STPG1: variants seen among roughly 807,000 people sequenced by gnomAD.
The protein encoded by STPG1 is sperm tail PG-rich repeat containing 1.
In STPG1, 33 loss-of-function variants were observed where a neutral mutation model predicts 40.1. That is an observed-to-expected ratio of 0.82 (90% confidence interval 0.62 to 1.10). The LOEUF is 1.10. Among genes scored for constraint, STPG1 ranks in the 50% least tolerant of loss-of-function variants. The probability of loss-of-function intolerance (pLI) is 0.00; values close to 1 mark genes in which losing one functional copy is unlikely to be tolerated. For synonymous variants in STPG1, 150 were observed against 155.0 expected (o/e 0.97, Z 0.24); for missense variants, 396 against 415.1 (o/e 0.95, Z 0.40).
intron 2 of STPG1, among the ~76,000 whole-genome samples, chr1:24,394,619 G>C (rs1416198959): frequency 6.6e-6 from 1 of 152,136 alleles, no homozygotes; most frequent in Admixed American, 6.5e-5. Context: ...AACATATTAA[G>C]TAGATATGGA....
At position 24,357,215 on chromosome 1, in the gene STPG1, C is replaced by T. The variant is rs973938100; in HGVS notation, c.*1328G>A. ...GTTGCTCTGCCCAGGCGAGGCCTCACTGTGGCTGTGACGCACCCTTGATGT... is the reference window on the plus strand; with the variant it reads ...GTTGCTCTGCCCAGGCGAGGCCTCATTGTGGCTGTGACGCACCCTTGATGT... On this transcript the variant is annotated 3_prime_UTR_variant, in exon 9 of 9. Transcript: ENST00000337248. The T allele has an allele frequency of 6.6e-6, 1 of 152,258 alleles. No individual in the cohort carries two copies. The highest frequency in any genetic ancestry group is 2.4e-5 in the African/African-American group (1 of 41,466). 9.4% of individuals were successfully genotyped at this position (152,258 alleles called of 1,614,324 possible).
intron 7 of STPG1, among the ~76,000 whole-genome samples, chr1:24,367,420 G>T (rs1381935841): frequency 4.6e-5 from 7 of 152,136 alleles, no homozygotes; most frequent in Non-Finnish European, 1.0e-4. Flanking sequence ...TTGGGCTGGG[G>T]GCTTGAGCTG....
intron 1 of STPG1, among the ~76,000 whole-genome samples, chr1:24,411,149 T>C (rs1643609284): frequency 6.6e-6 from 1 of 152,192 alleles, no homozygotes; most frequent in African/African-American, 2.4e-5. Context: ...ATAGCTATCA[T>C]TTATTGAGCC....
intron 5 of STPG1, among the ~76,000 whole-genome samples, chr1:24,374,257 G>GTTTTTTTTTTTTTTTT (rs1553122570): frequency 1.6e-5 from 1 of 62,122 alleles, no homozygotes; most frequent in Non-Finnish European, 2.8e-5. Context: ...TTTTTTTTTT[G>GTTTTTTTTTTTTTTTT]TTTTTTTTTT....
At chr1:24,393,355 C>T (rs1642860254) in intron 2 of STPG1, among the ~76,000 whole-genome samples, 1 of 152,186 alleles carries the variant, frequency 6.6e-6, no homozygotes, top group African/African-American at 2.4e-5. Flanking sequence ...CTCCCCTCCC[C>T]ATTTAAGTAG....
In STPG1 at chr1:24,379,782, C is replaced by T. The variant is rs138910562; in HGVS notation, c.333G>A (p.Ala111=). 7.4e-6 allele frequency: 12 copies of T among 1,614,036 alleles called. No homozygotes were observed. Among genetic ancestry groups the T allele is most frequent in the African/African-American group, 5.3e-5 (4 of 75,004 alleles). The part of the protein sequence containing the change: ...LDTIISKYPA[A]NAYTIPSDFI... Reference sequence around the variant, plus strand: ...AATCCGATGGGATAGTGTATGCATTCGCTGCAGGGTATTTAGAAATGATGG... The same window carrying T: ...AATCCGATGGGATAGTGTATGCATTTGCTGCAGGGTATTTAGAAATGATGG... The change falls in exon 5 of 9, where the codon GCG becomes GCA. Residue 111 remains alanine, a synonymous_variant. Coordinates refer to ENST00000337248, the MANE Select transcript of STPG1 (RefSeq NM_001199013.2).
At position 24,401,479 on chromosome 1, in the gene STPG1, T is replaced by C. The variant is rs375162676; in HGVS notation, c.-68-23A>G. 4.0e-5 allele frequency: 42 copies of C among 1,041,970 alleles called. No individual in the cohort carries two copies. The African/African-American group carries it at 5.2e-4, about 13-fold the overall frequency. The allele number at this position is 1,041,970 out of a possible 1,614,324, so 64.5% of individuals were successfully genotyped here. A position where few individuals can be genotyped will look rare whatever the true frequency, so the allele number is the denominator to read the frequency against. On this transcript the variant is annotated intron_variant, in intron 1 of 8. Transcript: ENST00000337248. ...CACCTGAAACAGCAAAACACAGCAT[T>C]TGTAGAGATCATTTCACATTGGTTA...
At chr1:24,364,243 T>A (rs1410325513) in intron 7 of STPG1, 3 of 1,548,148 alleles carry the variant, frequency 1.9e-6, no homozygotes, top group South Asian at 2.4e-5. Flanking sequence ...CTGTCTTGAA[T>A]GTTCCCATCC....
intron 1 of STPG1, 33 bp from the exon 2 acceptor site, chr1:24,401,489 C>CATTT: frequency 1.1e-6 from 1 of 948,014 alleles, no homozygotes; most frequent in East Asian, 2.6e-5. Flanking sequence ...TTGTAGAGAT[C>CATTT]ATTTCACATT....
At chr1:24,391,036 C>A (rs1642750089) in intron 3 of STPG1, among the ~76,000 whole-genome samples, 1 of 151,934 alleles carries the variant, frequency 6.6e-6, no homozygotes, top group Non-Finnish European at 1.5e-5. Flanking sequence ...CTGGGCTGAT[C>A]TGAAACTCCT....
rs764819682 is a variant in STPG1, at chr1:24,373,777, CGTT to C, written c.493_495del (p.Asn165del). ...GACATAAACCCGGCTCGAGTACAGA[CGTT>C]GTTTCTCTGCTTGCAGCAAGAGACA... On this transcript the variant is annotated inframe_deletion, in exon 6 of 9. Transcript: ENST00000337248. 8.1e-6 allele frequency: 13 copies of C among 1,610,418 alleles called. No homozygotes were observed. Among genetic ancestry groups the C allele is most frequent in the Non-Finnish European group, 1.1e-5 (13 of 1,176,812 alleles).
intron 1 of STPG1, chr1:24,410,951 C>T (rs1429287972): frequency 6.6e-6 from 1 of 152,208 alleles, no homozygotes; most frequent in African/African-American, 2.4e-5. Flanking sequence ...CACTTAATAG[C>T]TCTGATTCTC....
At chr1:24,370,743 G>A (rs60012384) in intron 6 of STPG1, among the ~76,000 whole-genome samples, 4 of 151,644 alleles carry the variant, frequency 2.6e-5, no homozygotes, top group South Asian at 4.2e-4. Flanking sequence ...CGCCTGCCTC[G>A]GCCTCCCAAA....
chr1:24,369,614 T>C, intron 7 of STPG1, 60 bp downstream of exon 7: 9 of 1,527,016 alleles, frequency 5.9e-6, no homozygotes, highest in Non-Finnish European at 8.0e-6. Context: ...CTTTTCTCTA[T>C]GTTGGGCTTC....
intron 1 of STPG1, chr1:24,410,732 G>T (rs1318829153): frequency 2.6e-5 from 4 of 152,358 alleles, no homozygotes; most frequent in African/African-American, 7.2e-5. Context: ...GCAGGTGCAG[G>T]ACAGATGTGA....
At chr1:24,364,226 C>G (rs1016021379) in intron 7 of STPG1, 2 of 1,544,624 alleles carry the variant, frequency 1.3e-6, no homozygotes, top group South Asian at 1.2e-5. Context: ...CGCCACCCCC[C>G]ACCTGACTGT....
intron 2 of STPG1, among the ~76,000 whole-genome samples, chr1:24,392,860 A>G (rs532119974): frequency 1.8e-4 from 28 of 151,666 alleles, no homozygotes; most frequent in African/African-American, 6.0e-4. Context: ...AAATGGGGGA[A>G]AAAAAACAGT....
At chr1:24,384,509 C>A (rs1412689841) in intron 3 of STPG1, among the ~76,000 whole-genome samples, 8 of 152,182 alleles carry the variant, frequency 5.3e-5, no homozygotes, top group African/African-American at 1.9e-4. Flanking sequence ...TCAACCCAAA[C>A]CAGGCCATTT....
rs757594954 is a variant in STPG1 at position 24,360,893 on chromosome 1, G to A, written c.886C>T (p.Arg296Trp). ...GGCTGAGGCGGCGCCGCTGTCCACC[G>A]GCTGGTATTGGACACGAATGATGCA... ...SSASFVSNTSRWTAAPPQPGL... is the reference protein window; with the variant it reads ...SSASFVSNTSWWTAAPPQPGL... Residue 296 changes from arginine to tryptophan, a missense_variant, in exon 8 of 9, where the codon CGG becomes TGG. Transcript: ENST00000337248. The A allele has an allele frequency of 1.3e-5, 21 of 1,613,558 alleles. No individual in the cohort carries two copies. Among genetic ancestry groups the A allele is most frequent in the Admixed American group, 3.3e-5 (2 of 59,924 alleles).
Sources: gnomAD v4.1 joint callset for allele counts (sites outside exome capture counted in the v4.1 genomes callset) on GRCh38, gnomAD v4.1.1 for gene constraint, MANE v1.5 for transcripts, NCBI Gene and HGNC (gene_info 2026-07-23, HGNC 2026-07-21) for gene names.